SCMH1: variants seen among roughly 807,000 people sequenced by gnomAD.
SCMH1 encodes the protein polycomb protein SCMH1.
Under a neutral mutation model 70.8 loss-of-function variants are expected in SCMH1, and 37 were observed. The observed-to-expected ratio is 0.52, with a 90% confidence interval of 0.40 to 0.69. The LOEUF is 0.69. Among genes scored for constraint, SCMH1 ranks in the 30% least tolerant of loss-of-function variants. The pLI is 0.00. For missense variants in SCMH1, 607 were observed against 827.3 expected (o/e 0.73, Z 3.27); for synonymous variants, 292 against 307.4 (o/e 0.95, Z 0.52).
intron 10 of SCMH1, among the ~76,000 whole-genome samples, chr1:41,063,490 A>T (rs565445949): frequency 6.6e-6 from 1 of 152,228 alleles, no homozygotes; most frequent in Non-Finnish European, 1.5e-5. Flanking sequence ...ATAATAATAA[A>T]AAAAACAATG....
chr1:41,188,825 G>A (rs969580341), intron 1 of SCMH1, among the ~76,000 whole-genome samples: 2 of 152,138 alleles, frequency 1.3e-5, no homozygotes, highest in Admixed American at 1.3e-4. Context: ...CATTTTAAGT[G>A]TTTACTACAT....
At chr1:41,219,646 G>A (rs543686706) in intron 1 of SCMH1, among the ~76,000 whole-genome samples, 5 of 152,264 alleles carry the variant, frequency 3.3e-5, no homozygotes, top group African/African-American at 9.6e-5. Context: ...ATAGAAAAAC[G>A]TGGCCGGGCA....
chr1:41,161,695 T>C (rs886487349), intron 2 of SCMH1, among the ~76,000 whole-genome samples: 3 of 152,202 alleles, frequency 2.0e-5, no homozygotes, highest in South Asian at 2.1e-4. Flanking sequence ...ACAAAGTATT[T>C]TGAAGCTGTT....
At chr1:41,231,597 T>C (rs1047142749) in intron 1 of SCMH1, among the ~76,000 whole-genome samples, 2 of 152,316 alleles carry the variant, frequency 1.3e-5, no homozygotes, top group African/African-American at 2.4e-5. Flanking sequence ...TGAGATTACT[T>C]TTCTATGACA....
intron 6 of SCMH1, among the ~76,000 whole-genome samples, chr1:41,117,630 C>T (rs1670845123): frequency 1.3e-5 from 2 of 152,210 alleles, no homozygotes; most frequent in Admixed American, 1.3e-4. Context: ...CTTCAGTGGT[C>T]ATGTTCCTAG....
chr1:41,058,378 G>GTTTTTTTTTTTTTTTTTTTTT (rs548733204), intron 10 of SCMH1, among the ~76,000 whole-genome samples: 1 of 81,640 alleles, frequency 1.2e-5, no homozygotes, highest in African/African-American at 5.1e-5. Context: ...TTTCTTTCTT[G>GTTTTTTTTTTTTTTTTTTTTT]TTTTTTTTTT....
chr1:41,233,306 C>G (rs1172432650), intron 1 of SCMH1, among the ~76,000 whole-genome samples: 1 of 152,114 alleles, frequency 6.6e-6, no homozygotes, highest in Admixed American at 6.5e-5. Context: ...TGGGATTGAA[C>G]TACTACTGTT....
intron 12 of SCMH1, among the ~76,000 whole-genome samples, chr1:41,038,455 A>G (rs1558341068): frequency 6.6e-6 from 1 of 152,160 alleles, no homozygotes; most frequent in Non-Finnish European, 1.5e-5. Context: ...TTTTTCAAAG[A>G]CATCAAGTGT....
In SCMH1 at chr1:41,152,713, C is replaced by T. The variant is rs750685937; in HGVS notation, c.107-1029G>A. On this transcript the variant is annotated intron_variant, in intron 4 of 14. Transcript: ENST00000337495. ...CTCTGTAGTGGAGCAGCACAGAGCC[C>T]CTTTGGGCCATGCAAAAAGCACTAG... The T allele has an allele frequency of 5.6e-6, 9 of 1,611,594 alleles. No homozygotes were observed. In the South Asian group the frequency reaches 6.6e-5, roughly 12 times the overall value.
intron 8 of SCMH1, among the ~76,000 whole-genome samples, chr1:41,085,429 A>G (rs186080492): frequency 1.5e-4 from 23 of 152,352 alleles, no homozygotes; most frequent in East Asian, 5.8e-4. Context: ...GAGAAACACA[A>G]GAGGTATTCC....
intron 6 of SCMH1, among the ~76,000 whole-genome samples, chr1:41,138,669 C>G (rs1471232927): frequency 6.6e-6 from 1 of 151,872 alleles, no homozygotes; most frequent in East Asian, 1.9e-4. Context: ...ATCTTCTTGT[C>G]TATTGTGCAT....
intron 10 of SCMH1, among the ~76,000 whole-genome samples, chr1:41,059,268 G>A (rs979158756): frequency 6.6e-6 from 1 of 152,202 alleles, no homozygotes. Context: ...ATGGGAACAG[G>A]CATTCCTGTT....
intron 2 of SCMH1, among the ~76,000 whole-genome samples, chr1:41,182,240 C>T (rs1169705622): frequency 6.6e-6 from 1 of 152,084 alleles, no homozygotes; most frequent in Admixed American, 6.5e-5. Context: ...AGGAGATATA[C>T]CTAATGTTGA....
intron 1 of SCMH1, among the ~76,000 whole-genome samples, chr1:41,238,620 A>ACT (rs566220268): frequency 7.9e-5 from 12 of 151,494 alleles, no homozygotes; most frequent in African/African-American, 2.7e-4. Flanking sequence ...CAATCACTTC[A>ACT]CTCTCTACAC....
chr1:41,160,709 G>A (rs189677839), intron 4 of SCMH1, among the ~76,000 whole-genome samples, 166 bp downstream of exon 4: 13 of 152,328 alleles, frequency 8.5e-5, no homozygotes, highest in African/African-American at 2.4e-4. Flanking sequence ...TGTGACAGCT[G>A]AGATGAAGTA....
At chr1:41,049,408 T>C (rs1647218189) in intron 10 of SCMH1, among the ~76,000 whole-genome samples, 1 of 151,820 alleles carries the variant, frequency 6.6e-6, no homozygotes, top group South Asian at 2.1e-4. Flanking sequence ...TAGGGTCCCT[T>C]TGTTATCTTC....
intron 2 of SCMH1, among the ~76,000 whole-genome samples, chr1:41,167,910 TTG>T (rs370251317): frequency 0.022 from 1,081 of 48,350 alleles, 34 homozygotes; most frequent in African/African-American, 0.048. Context: ...TGGCAGTGTT[TTG>T]TTTTTTTTTT....
intron 5 of SCMH1, among the ~76,000 whole-genome samples, chr1:41,148,637 TATATAAA>T (rs1192046739): frequency 6.6e-6 from 1 of 152,186 alleles, no homozygotes; most frequent in Non-Finnish European, 1.5e-5. Context: ...AGTTATCCTA[TATATAAA>T]GTGTCTTTTT....
rs553570200 is a variant in SCMH1 at position 41,117,851 on chromosome 1, A to C, written c.413-841T>G. ...CCCACGTGACCTTACCTATCATGGG[A>C]GACGGCTCACACTCCTTACCCTGCC... On this transcript the variant is annotated intron_variant, in intron 6 of 14. Transcript: ENST00000337495. Among the ~76,000 whole-genome samples the C allele has an allele frequency of 3.7e-4, 56 of 152,150 alleles. No individual in the cohort carries two copies. The East Asian group carries it at 0.01, about 27-fold the overall frequency.
Sources: allele counts gnomAD v4.1 joint callset (sites outside exome capture counted in the v4.1 genomes callset), GRCh38; gene constraint gnomAD v4.1.1; transcripts MANE v1.5; gene names NCBI Gene and HGNC (gene_info 2026-07-23, HGNC 2026-07-21).